ADGRV1: variants seen among roughly 807,000 people sequenced by gnomAD.
The protein encoded by ADGRV1 is G-protein coupled receptor 98.
A neutral mutation model predicts 596.2 loss-of-function variants in ADGRV1; 359 were observed. The observed-to-expected ratio is 0.60, with a 90% CI of 0.55 to 0.66. The LOEUF is 0.66. ADGRV1 is among the 30% of genes least tolerant of loss of function. ADGRV1 has a pLI of 0.00. For synonymous variants in ADGRV1, 2,681 were observed against 2,679.2 expected (o/e 1.00, Z -0.02); for missense variants, 7,274 against 7,575.6 (o/e 0.96, Z 1.48).
At chr5:90,704,732 C>T (rs56369423) in intron 36 of ADGRV1, among the ~76,000 whole-genome samples, 3 of 151,838 alleles carry the variant, frequency 2.0e-5, no homozygotes, top group Non-Finnish European at 4.4e-5. Context: ...AATTCATTTC[C>T]GAAGGTAGAA....
chr5:91,017,168 A>C lies in ADGRV1; in HGVS notation c.18152+31646A>C, dbSNP rs1263942506. ...TTCAATCTACTATTGCTAAACTTTC[A>C]ATTTTGACATATTTTTCATTAAGAG... On this transcript the variant is annotated intron_variant, in intron 85 of 89. Coordinates refer to ENST00000405460, the MANE Select transcript of ADGRV1 (RefSeq NM_032119.4). Among the ~76,000 whole-genome samples the C allele has an allele frequency of 2.6e-5, 4 of 151,916 alleles. No individual in the cohort carries two copies. In the East Asian group the frequency reaches 5.8e-4, roughly 22 times the overall value.
At chr5:91,060,398 A>ATTTTTT (rs1554210690) in intron 85 of ADGRV1, among the ~76,000 whole-genome samples, 1,093 of 60,470 alleles carry the variant, frequency 0.018, 21 homozygotes, top group African/African-American at 0.049. Flanking sequence ...ATATATATAT[A>ATTTTTT]TTTTTTTTTT....
At chr5:90,803,664 A>G (rs1041458783) in intron 71 of ADGRV1, among the ~76,000 whole-genome samples, 4 of 152,154 alleles carry the variant, frequency 2.6e-5, no homozygotes, top group African/African-American at 9.7e-5. Context: ...CTCCAAGGAG[A>G]ATGAATGTGC....
chr5:90,638,282 G>A (rs1378949684), intron 11 of ADGRV1, among the ~76,000 whole-genome samples: 2 of 151,818 alleles, frequency 1.3e-5, no homozygotes, highest in African/African-American at 4.8e-5. Context: ...AAAATGTTAG[G>A]TTAAGCAAAC....
intron 85 of ADGRV1, among the ~76,000 whole-genome samples, chr5:91,032,237 G>A (rs900666109): frequency 1.3e-5 from 2 of 152,242 alleles, no homozygotes; most frequent in Admixed American, 6.5e-5. Context: ...CTCCAATAGA[G>A]TGAATGAGAG....
chr5:91,056,438 C>T (rs1431318715), intron 85 of ADGRV1, among the ~76,000 whole-genome samples: 1 of 152,074 alleles, frequency 6.6e-6, no homozygotes, highest in Non-Finnish European at 1.5e-5. Flanking sequence ...TTTCATCGCG[C>T]ATCACAATCC....
chr5:90,792,143 G>T (rs1386047269), intron 70 of ADGRV1: 2 of 152,200 alleles, frequency 1.3e-5, no homozygotes, highest in East Asian at 3.8e-4. Context: ...CTTGCAGGGT[G>T]AATTATGTAG....
At chr5:90,854,402 A>C (rs532697257) in intron 81 of ADGRV1, among the ~76,000 whole-genome samples, 1 of 152,172 alleles carries the variant, frequency 6.6e-6, no homozygotes, top group African/African-American at 2.4e-5. Flanking sequence ...GCATTTCAAT[A>C]TGTGTGTAAC....
intron 50 of ADGRV1, among the ~76,000 whole-genome samples, chr5:90,739,144 G>GT (rs1023061010): frequency 5.3e-5 from 8 of 151,180 alleles, no homozygotes; most frequent in African/African-American, 1.5e-4. Context: ...GTTTCTGTTT[G>GT]TTTTTTTGTT....
At chr5:91,048,568 T>G (rs766770566) in intron 85 of ADGRV1, among the ~76,000 whole-genome samples, 9 of 152,178 alleles carry the variant, frequency 5.9e-5, no homozygotes, top group Non-Finnish European at 1.3e-4. Context: ...GTAGGTATCT[T>G]GTTCTCTCTT....
chr5:90,596,365 G>T (rs367801976), intron 1 of ADGRV1, among the ~76,000 whole-genome samples: 1 of 151,566 alleles, frequency 6.6e-6, no homozygotes, highest in Non-Finnish European at 1.5e-5. Context: ...AGGCAGAGAC[G>T]CTCCTCACTT....
chr5:90,650,771 A>G (rs1768489714), intron 17 of ADGRV1, among the ~76,000 whole-genome samples: 1 of 152,154 alleles, frequency 6.6e-6, no homozygotes, highest in Non-Finnish European at 1.5e-5. Context: ...TTGTTATGAT[A>G]GATTGACAAA....
rs185432327 is a variant in ADGRV1, at chr5:91,146,810, A to T, written c.18433-3220A>T. ...ATAGCTAATCAGATATACTTCTGCA[A>T]TTCTGTTTTCATGTATTAATAAAGC... On this transcript the variant is annotated intron_variant, in intron 87 of 89. Transcript: ENST00000405460. Among the ~76,000 whole-genome samples, 32 of 152,328 alleles carry T rather than the reference A, an allele frequency of 2.1e-4. No homozygotes were observed. In the East Asian group the frequency reaches 5.8e-3, roughly 28 times the overall value.
chr5:91,156,419 G>A (rs1031226226), intron 89 of ADGRV1, among the ~76,000 whole-genome samples: 2 of 152,120 alleles, frequency 1.3e-5, no homozygotes, highest in African/African-American at 4.8e-5. Context: ...ATGATTAGCT[G>A]CACAAAACTT....
rs190864458 is a variant in ADGRV1, at chr5:91,046,098, C to A, written c.18153-26349C>A. 2.6e-5 allele frequency among the ~76,000 whole-genome samples: 4 copies of A among 152,178 alleles called. No individual in the cohort carries two copies. In the East Asian group the frequency reaches 7.7e-4, roughly 29 times the overall value. On this transcript the variant is annotated intron_variant, in intron 85 of 89. Transcript: ENST00000405460. ...GTGAAAATGACCATATTGCCAAAAG[C>A]AATCTATAAATTCACCACAATTCCC...
chr5:90,707,237 T>C (rs1748717716), intron 38 of ADGRV1, among the ~76,000 whole-genome samples: 1 of 152,168 alleles, frequency 6.6e-6, no homozygotes, highest in African/African-American at 2.4e-5. Context: ...AATCTCATGT[T>C]GTTTTGGGGA....
At chr5:91,049,050 ATTC>A (rs1786084886) in intron 85 of ADGRV1, among the ~76,000 whole-genome samples, 1 of 147,926 alleles carries the variant, frequency 6.8e-6, no homozygotes, top group Non-Finnish European at 1.5e-5. Flanking sequence ...TTTATCATGC[ATTC>A]TGCTTTTCCT....
intron 89 of ADGRV1, 78 bp from the exon 90 acceptor site, chr5:91,163,704 G>T (rs41315916): frequency 0.012 from 7,145 of 618,782 alleles, 73 homozygotes; most frequent in Middle Eastern, 0.027. Context: ...AACAGGCTTG[G>T]ACCTAATGTA....
chr5:90,791,458 C>CA lies in ADGRV1; in HGVS notation c.14517+119dup, dbSNP rs1206105372. The CA allele has an allele frequency of 2.9e-5, 22 of 751,162 alleles. No individual in the cohort carries two copies. The African/African-American group carries it at 3.0e-4, about 10-fold the overall frequency. 46.5% of individuals were successfully genotyped at this position (751,162 alleles called of 1,614,324 possible). A position where few individuals can be genotyped will look rare whatever the true frequency, so the allele number is the denominator to read the frequency against. On this transcript the variant is annotated intron_variant, in intron 70 of 89. Coordinates refer to ENST00000405460, the MANE Select transcript of ADGRV1 (RefSeq NM_032119.4). The stretch of plus-strand genomic sequence containing the variant: ...TTATTCAGGTATTTAAATGGAACCA[C>CA]AAAAAAATGCCCTCGAAAATGTTTA...
Sources: allele counts gnomAD v4.1 joint callset (sites outside exome capture counted in the v4.1 genomes callset), GRCh38; gene constraint gnomAD v4.1.1; transcripts MANE v1.5; gene names NCBI Gene and HGNC (gene_info 2026-07-23, HGNC 2026-07-21).